The following CCDC171 variants were observed in gnomAD, a reference collection of about 807,000 sequenced individuals.
CCDC171 encodes coiled-coil domain-containing protein 171.
CCDC171 carries 177 observed loss-of-function variants against 168.2 expected under a neutral mutation model. That is an observed-to-expected ratio of 1.05 (90% CI 0.93 to 1.19). CCDC171 has a LOEUF of 1.19. Among genes scored for constraint, CCDC171 ranks in the 50% most tolerant of loss-of-function variants. The pLI is 0.00. For missense variants in CCDC171, 1,991 were observed against 1,539.0 expected (o/e 1.29, Z -4.91); for synonymous variants, 687 against 540.8 (o/e 1.27, Z -3.75).
chr9:15,772,171 C>G (rs1476326661), intron 18 of CCDC171, among the ~76,000 whole-genome samples: 1 of 152,060 alleles, frequency 6.6e-6, no homozygotes, highest in African/African-American at 2.4e-5. Context: ...CCATCTTTTC[C>G]CTGATTAAGA....
At chr9:15,808,839 A>G (rs983393040) in intron 21 of CCDC171, among the ~76,000 whole-genome samples, 3 of 143,344 alleles carry the variant, frequency 2.1e-5, no homozygotes, top group East Asian at 2.0e-4. Flanking sequence ...AATAAACTGG[A>G]TAGCTTATAA....
At chr9:16,104,235 T>C in the CCDC171 span, among the ~76,000 whole-genome samples, 1 of 152,104 alleles carries the variant, frequency 6.6e-6, no homozygotes, top group South Asian at 2.1e-4. Flanking sequence ...TTTGTCATCC[T>C]AATGGCACAG....
chr9:15,563,139 CTTTT>C (rs570575976), intron 1 of CCDC171, among the ~76,000 whole-genome samples: 7 of 136,720 alleles, frequency 5.1e-5, no homozygotes, highest in Non-Finnish European at 4.8e-5. Context: ...CAAGTTACTT[CTTTT>C]TTTTTTTTTT....
At chr9:15,906,981 A>T (rs1415636341) in intron 24 of CCDC171, among the ~76,000 whole-genome samples, 2 of 152,096 alleles carry the variant, frequency 1.3e-5, no homozygotes, top group Non-Finnish European at 2.9e-5. Flanking sequence ...GGAGAACTAC[A>T]AACCACTGCT....
At chr9:15,653,270 G>T (rs1020895418) in intron 7 of CCDC171, among the ~76,000 whole-genome samples, 4 of 152,084 alleles carry the variant, frequency 2.6e-5, no homozygotes, top group African/African-American at 7.2e-5. Flanking sequence ...CTCCCAAGTT[G>T]CTGGGACTAC....
At chr9:15,731,745 A>G (rs1260305264) in intron 16 of CCDC171, among the ~76,000 whole-genome samples, 1 of 152,056 alleles carries the variant, frequency 6.6e-6, no homozygotes, top group African/African-American at 2.4e-5. Flanking sequence ...CATGGGATAT[A>G]TGTGTGTTCA....
intron 24 of CCDC171, among the ~76,000 whole-genome samples, chr9:15,878,740 A>C (rs1294762565): frequency 6.6e-6 from 1 of 152,222 alleles, no homozygotes; most frequent in Non-Finnish European, 1.5e-5. Flanking sequence ...ATGTCCATCC[A>C]TGGTAGAATG....
At chr9:15,731,529 A>C (rs375577510) in intron 16 of CCDC171, among the ~76,000 whole-genome samples, 15 of 152,236 alleles carry the variant, frequency 9.9e-5, no homozygotes, top group African/African-American at 2.6e-4. Flanking sequence ...TGTTGTGTGA[A>C]TCAGTACTTC....
intron 6 of CCDC171, among the ~76,000 whole-genome samples, chr9:15,622,824 AT>A (rs1294051424): frequency 6.6e-6 from 1 of 152,208 alleles, no homozygotes; most frequent in African/African-American, 2.4e-5. Flanking sequence ...AGCTGTAAGC[AT>A]GTAATTTAAG....
intron 24 of CCDC171, among the ~76,000 whole-genome samples, chr9:15,904,627 A>G (rs535456861): frequency 6.6e-6 from 1 of 152,206 alleles, no homozygotes; most frequent in Admixed American, 6.5e-5. Context: ...CGAGCAAAAT[A>G]ACCAGCTAAC....
chr9:15,778,221 C>T (rs1016322943), intron 19 of CCDC171, among the ~76,000 whole-genome samples: 2 of 141,482 alleles, frequency 1.4e-5, no homozygotes, highest in East Asian at 2.2e-4. Flanking sequence ...GGCGTGAACC[C>T]GGGAAGCGGA....
intron 25 of CCDC171, among the ~76,000 whole-genome samples, chr9:15,963,048 C>T (rs1401398286): frequency 1.7e-4 from 26 of 151,956 alleles, no homozygotes; most frequent in Admixed American, 1.7e-3. Flanking sequence ...TTAAGTAGCC[C>T]TCTGTTCATA....
the CCDC171 span, among the ~76,000 whole-genome samples, chr9:16,088,904 A>G: frequency 6.6e-6 from 1 of 152,086 alleles, no homozygotes; most frequent in Non-Finnish European, 1.5e-5. Flanking sequence ...TATAGCCAAG[A>G]CAATCCTAAG....
At chr9:15,814,865 G>A (rs943904915) in intron 21 of CCDC171, among the ~76,000 whole-genome samples, 10 of 152,022 alleles carry the variant, frequency 6.6e-5, no homozygotes, top group African/African-American at 2.2e-4. Flanking sequence ...CATGAATATT[G>A]TATATCGAAA....
In CCDC171 at chr9:15,594,086, C is replaced by G. The variant is rs1372291955; in HGVS notation, c.589C>G (p.His197Asp). The change falls in exon 6 of 26, where the codon CAT (histidine) becomes GAT (aspartate). Residue 197 changes from histidine to aspartate, a missense_variant. Physicochemically the swap from His to Asp is moderately conservative, Grantham distance 81 (BLOSUM62 -1). Transcript: ENST00000380701. Reference sequence around the variant, plus strand: ...ACGGGAGAAGAATGAGATGGAGTCTCATATCAGGGAGACAGCATTGGAGGA... The same window carrying G: ...ACGGGAGAAGAATGAGATGGAGTCTGATATCAGGGAGACAGCATTGGAGGA... ...HQREKNEMES[H>D]IRETALEEFR... is the part of the protein sequence containing the mutation. 3 of 1,581,832 alleles carry G rather than the reference C, an allele frequency of 1.9e-6. No homozygotes were observed. The highest frequency in any genetic ancestry group is 2.6e-6 in the Non-Finnish European group (3 of 1,155,466).
At chr9:15,883,119 C>T (rs541255563) in intron 24 of CCDC171, 3 of 395,614 alleles carry the variant, frequency 7.6e-6, no homozygotes, top group South Asian at 5.3e-5. Flanking sequence ...GTCTCAAATG[C>T]CAGGGCTCAA....
At chr9:15,778,259 TGCAGTCC>T (rs2057445417) in intron 19 of CCDC171, among the ~76,000 whole-genome samples, 1 of 130,854 alleles carries the variant, frequency 7.6e-6, no homozygotes, top group Admixed American at 9.6e-5. Context: ...ATTGCGCCAC[TGCAGTCC>T]GCAGTCTGCC....
chr9:15,727,531 C>G (rs1234083503), intron 14 of CCDC171, among the ~76,000 whole-genome samples: 5 of 152,112 alleles, frequency 3.3e-5, no homozygotes, highest in Admixed American at 2.0e-4. Context: ...AACAATGAGT[C>G]CAATCCATAT....
At chr9:15,965,651 A>C (rs2132706425) in intron 25 of CCDC171, among the ~76,000 whole-genome samples, 1 of 152,326 alleles carries the variant, frequency 6.6e-6, no homozygotes, top group Non-Finnish European at 1.5e-5. Flanking sequence ...ATAATTGTAA[A>C]GTTAGAATTC....
Sources: allele counts gnomAD v4.1 joint callset (sites outside exome capture counted in the v4.1 genomes callset), GRCh38; gene constraint gnomAD v4.1.1; transcripts MANE v1.5; gene names NCBI Gene and HGNC (gene_info 2026-07-23, HGNC 2026-07-21).